Variants in TRA2A observed in about 807,000 individuals in gnomAD.
The protein encoded by TRA2A is transformer 2 alpha homolog.
A neutral mutation model predicts 45.7 loss-of-function variants in TRA2A; 31 were observed. That is an observed-to-expected ratio of 0.68 (90% confidence interval 0.51 to 0.92). The LOEUF (loss-of-function observed/expected upper bound fraction) is 0.92, where lower values mean the gene tolerates loss of function less well. Among genes scored for constraint, TRA2A ranks in the 40% least tolerant of loss-of-function variants. The pLI is 0.00. For synonymous variants in TRA2A, 132 were observed against 126.2 expected, an observed-to-expected ratio of 1.05 and a Z score of -0.31; for missense variants, 304 against 367.5, an observed-to-expected ratio of 0.83 and a Z score of 1.41.
intron 1 of TRA2A, among the ~76,000 whole-genome samples, chr7:23,522,890 A>C (rs1200113816): frequency 6.6e-6 from 1 of 152,144 alleles, no homozygotes; most frequent in African/African-American, 2.4e-5. Flanking sequence ...ACACCTATCT[A>C]AACTCACCCA....
intron 1 of TRA2A, 64 bp downstream of exon 1, chr7:23,531,725 T>A: frequency 6.3e-7 from 1 of 1,596,002 alleles, no homozygotes; most frequent in Admixed American, 1.7e-5. Context: ...CCGACCGCGC[T>A]TGTTCCCGTG....
At chr7:23,506,479 A>T in intron 5 of TRA2A, 1 of 484,476 alleles carries the variant, frequency 2.1e-6, no homozygotes, top group Non-Finnish European at 3.5e-6. Context: ...AAAACTCTCA[A>T]AACTATTAAC....
intron 1 of TRA2A, among the ~76,000 whole-genome samples, chr7:23,530,221 C>G (rs1391451639): frequency 6.6e-6 from 1 of 152,144 alleles, no homozygotes; most frequent in Non-Finnish European, 1.5e-5. Context: ...TCTGTTGGGG[C>G]CATCAATACA....
intron 3 of TRA2A, among the ~76,000 whole-genome samples, chr7:23,514,351 G>A (rs1278030780): frequency 6.6e-6 from 1 of 152,052 alleles, no homozygotes; most frequent in African/African-American, 2.4e-5. Context: ...TGTTAGCACA[G>A]CTCTTTGAAT....
At chr7:23,521,629 C>T (rs1790141023) in intron 2 of TRA2A, 78 bp downstream of exon 2, 2 of 1,527,362 alleles carry the variant, frequency 1.3e-6, no homozygotes, top group South Asian at 1.2e-5. Context: ...GAAATTTCTA[C>T]ACAAAATGCA....
At chr7:23,522,291 A>G in intron 1 of TRA2A, 1 of 1,146,852 alleles carries the variant, frequency 8.7e-7, no homozygotes, top group Non-Finnish European at 1.1e-6. Flanking sequence ...AAGTGCTTCT[A>G]TCTGACCAAT....
At chr7:23,510,012 CAA>C (rs931681655) in intron 4 of TRA2A, among the ~76,000 whole-genome samples, 1 of 152,034 alleles carries the variant, frequency 6.6e-6, no homozygotes, top group Non-Finnish European at 1.5e-5. Context: ...GGCGACAGGG[CAA>C]AGAGCAAGAC....
intron 1 of TRA2A, among the ~76,000 whole-genome samples, chr7:23,525,517 C>T (rs1015812197): frequency 1.1e-4 from 16 of 152,308 alleles, no homozygotes; most frequent in Non-Finnish European, 7.3e-5. Flanking sequence ...CTTAAATAGG[C>T]CTCCAGTCTA....
chr7:23,525,335 G>A (rs1374176444), intron 1 of TRA2A, among the ~76,000 whole-genome samples: 1 of 152,176 alleles, frequency 6.6e-6, no homozygotes. Flanking sequence ...CTGGGAATGG[G>A]TGGTATCTGC....
chr7:23,527,462 T>C (rs938577565), intron 1 of TRA2A, among the ~76,000 whole-genome samples: 4 of 152,202 alleles, frequency 2.6e-5, no homozygotes, highest in African/African-American at 9.6e-5. Context: ...TCAGTTTTAA[T>C]TCATTAGCAC....
chr7:23,528,363 A>G (rs1365301338), intron 1 of TRA2A, among the ~76,000 whole-genome samples: 1 of 151,610 alleles, frequency 6.6e-6, no homozygotes, highest in Non-Finnish European at 1.5e-5. Context: ...GCGCGCCACC[A>G]CGCCCAGCTA....
At position 23,530,178 on chromosome 7, in the gene TRA2A, A is replaced by G. The variant is rs967731991; in HGVS notation, c.36+1611T>C. The stretch of plus-strand genomic sequence containing the variant: ...AAACAAGAAGCATTTTACAACTACT[A>G]TCATATATGTTTATCGCATGATTTT... On this transcript the variant is annotated intron_variant, in intron 1 of 7. Coordinates refer to ENST00000297071, the MANE Select transcript of TRA2A (RefSeq NM_013293.5). Among the ~76,000 whole-genome samples the G allele has an allele frequency of 2.0e-5, 3 of 152,194 alleles. No individual in the cohort carries two copies. In the South Asian group the frequency reaches 6.2e-4, roughly 32 times the overall value.
intron 3 of TRA2A, among the ~76,000 whole-genome samples, chr7:23,513,766 T>TCATTTATAGTAAG (rs1789734922): frequency 6.6e-6 from 1 of 152,126 alleles, no homozygotes; most frequent in South Asian, 2.1e-4. Flanking sequence ...TAATCTGACG[T>TCATTTATAGTAAG]GTCTACCTTA....
At chr7:23,512,106 T>G (rs923709769) in intron 4 of TRA2A, among the ~76,000 whole-genome samples, 1 of 152,190 alleles carries the variant, frequency 6.6e-6, no homozygotes, top group African/African-American at 2.4e-5. Context: ...AGATTTCAAT[T>G]AGGATATGCC....
chr7:23,516,499 C>T lies in TRA2A; in HGVS notation c.200G>A (p.Arg67His), dbSNP rs772955806. Residue 67 changes from arginine to histidine, a missense_variant, in exon 3 of 8, where the codon CGT becomes CAT. Physicochemically the swap from Arg to His is conservative, Grantham distance 29. This residue lies in a region of TRA2A where 132 missense variants were observed against 113.4 expected (regional missense o/e 1.16). Transcript: ENST00000297071. ...RSRSRRHSHR[R>H]YTRSRSHSHS... Reference sequence around the variant, plus strand: ...AGAGTGGGATCTGGATCGAGTGTAACGTCTATGAGAATGTCTCCTTGACCT... The same window carrying T: ...AGAGTGGGATCTGGATCGAGTGTAATGTCTATGAGAATGTCTCCTTGACCT... The T allele has an allele frequency of 2.6e-5, 42 of 1,614,050 alleles. No individual in the cohort carries two copies. In the East Asian group the frequency reaches 4.2e-4, roughly 16 times the overall value.
At chr7:23,506,629 A>T (rs2074407852) in intron 5 of TRA2A, 1 of 231,038 alleles carries the variant, frequency 4.3e-6, no homozygotes, top group Non-Finnish European at 8.3e-6. Flanking sequence ...TAAATAAATG[A>T]ATAAAAGGTG....
intron 1 of TRA2A, among the ~76,000 whole-genome samples, chr7:23,530,741 T>C (rs1024285015): frequency 6.6e-6 from 1 of 152,104 alleles, no homozygotes; most frequent in Non-Finnish European, 1.5e-5. Context: ...TAATAAAAAC[T>C]TTTTTCTGAG....
chr7:23,518,342 G>GT (rs1789981159), intron 2 of TRA2A, among the ~76,000 whole-genome samples: 1 of 151,050 alleles, frequency 6.6e-6, no homozygotes, highest in South Asian at 2.1e-4. Flanking sequence ...ATCAAAACTG[G>GT]TAACATTTCT....
intron 4 of TRA2A, among the ~76,000 whole-genome samples, chr7:23,510,754 C>T (rs1210038228): frequency 6.6e-6 from 1 of 152,102 alleles, no homozygotes; most frequent in Non-Finnish European, 1.5e-5. Flanking sequence ...GCAACTTTTA[C>T]TTCAGCTCAG....
Sources: allele counts gnomAD v4.1 joint callset (sites outside exome capture counted in the v4.1 genomes callset), GRCh38; gene constraint gnomAD v4.1.1; regional missense constraint gnomAD v4.1.1; transcripts MANE v1.5; gene names NCBI Gene and HGNC (gene_info 2026-07-23, HGNC 2026-07-21).